The following ARHGEF18 variants were observed in gnomAD, a reference collection of about 807,000 sequenced individuals.
ARHGEF18 encodes Rho/Rac guanine nucleotide exchange factor 18, also known as rho guanine nucleotide exchange factor 18.
A neutral mutation model predicts 155.7 loss-of-function variants in ARHGEF18; 93 were observed. The observed-to-expected ratio is 0.60, with a 90% confidence interval of 0.50 to 0.71. The LOEUF is 0.71. ARHGEF18 is among the 30% of genes least tolerant of loss of function. The probability of loss-of-function intolerance (pLI) is 0.00; values close to 1 mark genes in which losing one functional copy is unlikely to be tolerated. For synonymous variants in ARHGEF18, 742 were observed against 753.1 expected (o/e 0.99, Z 0.24); for missense variants, 1,593 against 1,816.1 (o/e 0.88, Z 2.23).
chr19:7,385,833 A>ATCTCTCTC (rs762196307), intron 10 of ARHGEF18, among the ~76,000 whole-genome samples: 32 of 51,974 alleles, frequency 6.2e-4, no homozygotes, highest in East Asian at 2.3e-3. Context: ...ATCTCTCTCT[A>ATCTCTCTC]TCTCTCTCTC....
chr19:7,432,313 G>A (rs1347306441), intron 10 of ARHGEF18, among the ~76,000 whole-genome samples: 1 of 152,180 alleles, frequency 6.6e-6, no homozygotes, highest in African/African-American at 2.4e-5. Context: ...ACTCTCTAGA[G>A]CCAGGTTGCA....
At chr19:7,398,436 C>T (rs1289124116) in intron 10 of ARHGEF18, among the ~76,000 whole-genome samples, 1 of 152,080 alleles carries the variant, frequency 6.6e-6, no homozygotes, top group African/African-American at 2.4e-5. Flanking sequence ...TGGCTCACAC[C>T]TGTAATCCCA....
In ARHGEF18 at chr19:7,462,257, C is replaced by T. The variant is rs771589545; in HGVS notation, c.2558C>T (p.Pro853Leu). Residue 853 changes from proline to leucine, a missense_variant, in exon 21 of 29, where the codon CCC becomes CTC. Coordinates refer to ENST00000668164, the MANE Select transcript of ARHGEF18 (RefSeq NM_001367823.1). The surrounding 1 kb of genome is among the most constrained non-coding windows in gnomAD (Gnocchi z 4.4). ...GGCGGCCTCGAAGACCTGCCCCAGC[C>T]CCGAGGCCTATTCCGTGGAGGGGAC... ...EMGGLEDLPQPRGLFRGGDPS... is the reference protein window; with the variant it reads ...EMGGLEDLPQLRGLFRGGDPS... 1.1e-5 allele frequency: 17 copies of T among 1,613,876 alleles called. No individual in the cohort carries two copies. Among genetic ancestry groups the T allele is most frequent in the Middle Eastern group, 1.6e-4 (1 of 6,062 alleles).
rs1175356232 is a variant in ARHGEF18 at position 7,471,213 on chromosome 19, TCA to T, written c.*918_*919del. 1.7e-5 allele frequency: 3 copies of T among 179,324 alleles called. No homozygotes were observed. Among genetic ancestry groups the T allele is most frequent in the Non-Finnish European group, 3.5e-5 (3 of 86,398 alleles). The allele number at this position is 179,324 out of a possible 1,614,324, so 11.1% of individuals were successfully genotyped here. ...CACCTTCCAGGTGGGGGCTGGCACATCACAGACTGTCGAGAGCGCCATGTCCC... is the reference window on the plus strand; with the variant it reads ...CACCTTCCAGGTGGGGGCTGGCACATCAGACTGTCGAGAGCGCCATGTCCC... On this transcript the variant is annotated 3_prime_UTR_variant, in exon 29 of 29. Transcript: ENST00000668164. The surrounding 1 kb of genome is among the most constrained non-coding windows in gnomAD (Gnocchi z 4.4).
chr19:7,394,618 C>A (rs1407373308), intron 10 of ARHGEF18, among the ~76,000 whole-genome samples: 1 of 151,276 alleles, frequency 6.6e-6, no homozygotes, highest in African/African-American at 2.4e-5. Flanking sequence ...TCCCCCCAAC[C>A]CCGCTGTCCT....
chr19:7,393,984 C>T (rs1261762134), intron 10 of ARHGEF18, among the ~76,000 whole-genome samples: 1 of 146,808 alleles, frequency 6.8e-6, no homozygotes, highest in Non-Finnish European at 1.5e-5. Context: ...TCATTTTTCC[C>T]AGACCCACCT....
chr19:7,373,849 AT>A (rs57703407), intron 3 of ARHGEF18, among the ~76,000 whole-genome samples: 26,427 of 121,926 alleles, frequency 0.22, 2,674 homozygotes, highest in Non-Finnish European at 0.28. Flanking sequence ...TCCTATGAGA[AT>A]TTTTTTTTTT....
chr19:7,392,285 G>A (rs929605436), intron 10 of ARHGEF18, among the ~76,000 whole-genome samples: 4 of 151,438 alleles, frequency 2.6e-5, no homozygotes, highest in Non-Finnish European at 4.4e-5. Flanking sequence ...AGAATGGTTG[G>A]ATGGATAAAA....
Position 7,469,129 on chromosome 19 carries a change from C to A in ARHGEF18, c.3785C>A (p.Ser1262Ter). Residue 1262 changes from serine (S) to a stop codon, truncating the protein, a stop_gained and splice_region_variant, in exon 27 of 29, where the codon TCA (serine) becomes TAA (stop). Coordinates refer to ENST00000668164, the MANE Select transcript of ARHGEF18 (RefSeq NM_001367823.1). LOFTEE classifies it high-confidence loss of function. ...AGGGGCTCTCAGCGCTGGGAGAGCT[C>A]AGGTGAGCCGGCCCCACCCCTTCGC... Reference protein sequence around the residue: ...KSRGSQRWESSASFDLKQQLL... With the variant: ...KSRGSQRWES The A allele has an allele frequency of 6.3e-7, 1 of 1,592,196 alleles. No homozygotes were observed. The highest frequency in any genetic ancestry group is 8.5e-7 in the Non-Finnish European group (1 of 1,169,856).
downstream of ARHGEF18, among the ~76,000 whole-genome samples, chr19:7,474,002 AAG>A (rs1275683662): frequency 6.6e-6 from 1 of 151,558 alleles, no homozygotes; most frequent in Non-Finnish European, 1.5e-5. Context: ...AAAAAAAAAA[AAG>A]GAAATTTGGG....
chr19:7,382,763 T>G, intron 8 of ARHGEF18, 29 bp from the exon 9 acceptor site: 1 of 1,230,804 alleles, frequency 8.1e-7, no homozygotes, highest in Non-Finnish European at 1.0e-6. Flanking sequence ...CCTGGCCCCC[T>G]CTAGTGGACC....
chr19:7,453,366 C>T, intron 16 of ARHGEF18, 101 bp from the exon 17 acceptor site: 1 of 1,352,756 alleles, frequency 7.4e-7, no homozygotes, highest in Non-Finnish European at 9.6e-7. Flanking sequence ...CATAGTGTGT[C>T]CACACACCTC....
At chr19:7,417,591 G>C (rs1973096682) in intron 10 of ARHGEF18, among the ~76,000 whole-genome samples, 1 of 152,156 alleles carries the variant, frequency 6.6e-6, no homozygotes, top group Non-Finnish European at 1.5e-5. Context: ...CAGCTACTCG[G>C]GAGACTGAGG....
intron 1 of ARHGEF18, among the ~76,000 whole-genome samples, chr19:7,357,737 C>A (rs573592632): frequency 9.9e-5 from 15 of 152,062 alleles, no homozygotes; most frequent in Non-Finnish European, 2.1e-4. Context: ...AGGAATTTCC[C>A]GGGGAAAGGG....
At chr19:7,412,984 A>G (rs1972783556) in intron 10 of ARHGEF18, among the ~76,000 whole-genome samples, 1 of 152,130 alleles carries the variant, frequency 6.6e-6, no homozygotes, top group Non-Finnish European at 1.5e-5. Context: ...CTGACACTAT[A>G]GGATCTTGCA....
chr19:7,468,021 G>A (rs1007384644), intron 26 of ARHGEF18, among the ~76,000 whole-genome samples: 4 of 152,112 alleles, frequency 2.6e-5, no homozygotes, highest in Non-Finnish European at 5.9e-5. Flanking sequence ...GTAACATGGC[G>A]AAACTCCATC....
intron 10 of ARHGEF18, among the ~76,000 whole-genome samples, chr19:7,424,393 A>T (rs947337179): frequency 2.6e-5 from 4 of 152,162 alleles, no homozygotes; most frequent in African/African-American, 7.2e-5. Context: ...TGGGAAAAGC[A>T]ATTTGGTAAT....
intron 10 of ARHGEF18, among the ~76,000 whole-genome samples, chr19:7,397,732 C>CAA (rs528314433): frequency 2.3e-5 from 3 of 130,982 alleles, no homozygotes; most frequent in East Asian, 4.6e-4. Context: ...GATTCCATCT[C>CAA]AAAAAAAAAA....
chr19:7,362,970 T>C (rs1260029331), intron 2 of ARHGEF18, 65 bp downstream of exon 2: 2 of 1,233,686 alleles, frequency 1.6e-6, no homozygotes, highest in African/African-American at 3.1e-5. Context: ...TACACTTTGT[T>C]TAGCACCTGC....
Sources: gnomAD v4.1 joint callset for allele counts (sites outside exome capture counted in the v4.1 genomes callset) on GRCh38, gnomAD v4.1.1 for gene constraint, Gnocchi (gnomAD v3.1) non-coding constraint, MANE v1.5 for transcripts, NCBI Gene and HGNC (gene_info 2026-07-23, HGNC 2026-07-21) for gene names.